NKAIN2: variants seen among roughly 807,000 people sequenced by gnomAD.
NKAIN2 encodes sodium/potassium-transporting ATPase subunit beta-1-interacting protein 2.
A neutral mutation model predicts 32.6 loss-of-function variants in NKAIN2; 14 were observed. That is an observed-to-expected ratio of 0.43 (90% CI 0.28 to 0.67). The LOEUF is 0.67. NKAIN2 is among the 30% of genes least tolerant of loss of function. The pLI, the probability that NKAIN2 is intolerant of heterozygous loss-of-function variation, is 0.17. For synonymous variants in NKAIN2, 80 were observed against 87.2 expected (o/e 0.92, Z 0.46); for missense variants, 198 against 258.3 (o/e 0.77, Z 1.60).
At chr6:124,727,852 G>A (rs2114652537) in intron 4 of NKAIN2, among the ~76,000 whole-genome samples, 1 of 149,788 alleles carries the variant, frequency 6.7e-6, no homozygotes, top group African/African-American at 2.5e-5. Context: ...AAAATAAAAG[G>A]ATGGAGGAAG....
intron 3 of NKAIN2, among the ~76,000 whole-genome samples, chr6:124,536,471 A>G (rs997512629): frequency 6.6e-6 from 1 of 152,006 alleles, no homozygotes; most frequent in African/African-American, 2.4e-5. Context: ...AGGGGGTCTC[A>G]TGCCCTCAGT....
intron 3 of NKAIN2, among the ~76,000 whole-genome samples, chr6:124,393,765 T>C (rs1267542213): frequency 6.6e-6 from 1 of 152,174 alleles, no homozygotes; most frequent in East Asian, 1.9e-4. Context: ...AATGGCTGTA[T>C]AAATATACTT....
chr6:124,582,081 GT>G (rs371068594), intron 3 of NKAIN2, among the ~76,000 whole-genome samples: 63 of 147,074 alleles, frequency 4.3e-4, no homozygotes, highest in African/African-American at 1.4e-3. Context: ...TGAAAAGTTG[GT>G]TTTTTTTTTG....
intron 4 of NKAIN2, among the ~76,000 whole-genome samples, chr6:124,690,379 A>G (rs1469230386): frequency 6.6e-6 from 1 of 152,118 alleles, no homozygotes; most frequent in African/African-American, 2.4e-5. Context: ...AGAGAATCGT[A>G]TGGTTTGCAA....
chr6:124,023,950 T>C (rs1780987611), intron 1 of NKAIN2, among the ~76,000 whole-genome samples: 1 of 152,118 alleles, frequency 6.6e-6, no homozygotes, highest in Admixed American at 6.6e-5. Flanking sequence ...AGAAAAATCG[T>C]CTAAGATTTA....
chr6:124,778,899 C>A (rs1463768646), intron 4 of NKAIN2, among the ~76,000 whole-genome samples: 20 of 152,058 alleles, frequency 1.3e-4, no homozygotes, highest in Non-Finnish European at 2.9e-5. Context: ...GAGTCAAAAA[C>A]CGATGAACAT....
Position 124,092,084 on chromosome 6 carries a change from C to T in NKAIN2, c.55-190921C>T, listed in dbSNP as rs550936374. 4.6e-5 allele frequency among the ~76,000 whole-genome samples: 7 copies of T among 152,088 alleles called. No individual in the cohort carries two copies. The South Asian group carries it at 1.5e-3, about 32-fold the overall frequency. On this transcript the variant is annotated intron_variant, in intron 1 of 6. Coordinates refer to ENST00000368417, the MANE Select transcript of NKAIN2 (RefSeq NM_001040214.3). Reference sequence around the variant, plus strand: ...TCTCCATGTTAGTATGCCATATGCCCTTTCACCTCAAGTAAGTTATAGGCT... The same window carrying T: ...TCTCCATGTTAGTATGCCATATGCCTTTTCACCTCAAGTAAGTTATAGGCT...
chr6:124,650,853 C>A (rs1310863202), intron 3 of NKAIN2, among the ~76,000 whole-genome samples: 1 of 152,200 alleles, frequency 6.6e-6, no homozygotes, highest in Non-Finnish European at 1.5e-5. Flanking sequence ...AATGTCTTAA[C>A]TTGTTCTAGC....
At chr6:124,272,885 G>C (rs1044373548) in intron 1 of NKAIN2, among the ~76,000 whole-genome samples, 10 of 152,180 alleles carry the variant, frequency 6.6e-5, no homozygotes, top group African/African-American at 2.4e-4. Flanking sequence ...AGCCCTACTG[G>C]GTTTTGAACT....
chr6:123,846,793 A>G (rs1266593991), intron 1 of NKAIN2, among the ~76,000 whole-genome samples: 1 of 151,928 alleles, frequency 6.6e-6, no homozygotes, highest in African/African-American at 2.4e-5. Flanking sequence ...TTCTAAAGGC[A>G]TTTTCATTCT....
chr6:124,577,098 A>C (rs1243454166), intron 3 of NKAIN2, among the ~76,000 whole-genome samples: 1 of 152,122 alleles, frequency 6.6e-6, no homozygotes, highest in Non-Finnish European at 1.5e-5. Flanking sequence ...TTCAAAACTC[A>C]AAGGAAAAAT....
intron 3 of NKAIN2, among the ~76,000 whole-genome samples, chr6:124,426,996 C>A (rs1339953070): frequency 6.6e-6 from 1 of 152,142 alleles, no homozygotes; most frequent in Non-Finnish European, 1.5e-5. Flanking sequence ...ATAAATTGCC[C>A]AGTCTCAGGC....
intron 2 of NKAIN2, among the ~76,000 whole-genome samples, chr6:124,299,384 T>C (rs774382853): frequency 6.6e-6 from 1 of 152,230 alleles, no homozygotes; most frequent in Non-Finnish European, 1.5e-5. Flanking sequence ...AGAATGTTAC[T>C]GGACTCTAGA....
At position 124,727,297 on chromosome 6, in the gene NKAIN2, A is replaced by AC. The variant is rs2114650523; in HGVS notation, c.475-64042_475-64041insC. 2.6e-5 allele frequency among the ~76,000 whole-genome samples: 4 copies of AC among 152,198 alleles called. No homozygotes were observed. The East Asian group carries it at 7.8e-4, about 30-fold the overall frequency. On this transcript the variant is annotated intron_variant, in intron 4 of 6. Transcript: ENST00000368417. ...GAAATGAAGGAAAAAATGTTAACGGAAGCCAGAGAGAAAGGTCGGGTTACC... is the reference window on the plus strand; with the variant it reads ...GAAATGAAGGAAAAAATGTTAACGGACAGCCAGAGAGAAAGGTCGGGTTACC...
At chr6:124,364,880 T>G (rs1799454651) in intron 3 of NKAIN2, among the ~76,000 whole-genome samples, 1 of 151,970 alleles carries the variant, frequency 6.6e-6, no homozygotes, top group Non-Finnish European at 1.5e-5. Context: ...TTTAAATATT[T>G]GTAAAACTCA....
chr6:123,995,882 G>C (rs1174766496), intron 1 of NKAIN2, among the ~76,000 whole-genome samples: 2 of 152,054 alleles, frequency 1.3e-5, no homozygotes, highest in Non-Finnish European at 2.9e-5. Flanking sequence ...TATTATTACT[G>C]TCATTGTTAT....
intron 1 of NKAIN2, among the ~76,000 whole-genome samples, chr6:124,234,716 G>A (rs756767940): frequency 6.6e-6 from 1 of 152,052 alleles, no homozygotes; most frequent in African/African-American, 2.4e-5. Flanking sequence ...TTAAGCTTAT[G>A]TAGGATCTGG....
chr6:124,268,186 A>G (rs1186736569), intron 1 of NKAIN2, among the ~76,000 whole-genome samples: 1 of 152,224 alleles, frequency 6.6e-6, no homozygotes, highest in Non-Finnish European at 1.5e-5. Flanking sequence ...ATGCAAGCAC[A>G]ACTTACTGTA....
intron 2 of NKAIN2, among the ~76,000 whole-genome samples, chr6:124,297,048 C>T (rs1796084999): frequency 6.6e-6 from 1 of 152,130 alleles, no homozygotes; most frequent in Non-Finnish European, 1.5e-5. Context: ...TGATACACAG[C>T]TTTCACTATA....
Sources: gnomAD v4.1 joint callset for allele counts (sites outside exome capture counted in the v4.1 genomes callset) on GRCh38, gnomAD v4.1.1 for gene constraint, MANE v1.5 for transcripts, NCBI Gene and HGNC (gene_info 2026-07-23, HGNC 2026-07-21) for gene names.